PDZD2: variants seen among roughly 807,000 people sequenced by gnomAD.
The protein encoded by PDZD2 is PDZ domain-containing protein 2.
PDZD2 carries 90 observed loss-of-function variants against 220.7 expected under a neutral mutation model. The observed-to-expected ratio is 0.41, with a 90% confidence interval of 0.34 to 0.49. The LOEUF is 0.49. PDZD2 is among the 20% of genes least tolerant of loss of function. The probability of loss-of-function intolerance (pLI) is 0.28; values close to 1 mark genes in which losing one functional copy is unlikely to be tolerated. For missense variants in PDZD2, 3,174 were observed against 3,608.5 expected, an observed-to-expected ratio of 0.88 and a Z score of 3.08; for synonymous variants, 1,375 against 1,450.5, an observed-to-expected ratio of 0.95 and a Z score of 1.18.
chr5:31,873,948 G>C (rs186890206), intron 2 of PDZD2, among the ~76,000 whole-genome samples: 393 of 151,294 alleles, frequency 2.6e-3, no homozygotes, highest in African/African-American at 9.3e-3. Flanking sequence ...CAGACTGGTT[G>C]AACTCCTAAC....
chr5:31,761,637 G>A (rs1751661061), intron 1 of PDZD2, among the ~76,000 whole-genome samples: 1 of 152,024 alleles, frequency 6.6e-6, no homozygotes, highest in African/African-American at 2.4e-5. Flanking sequence ...AAGGTGGGCG[G>A]ATCACCTGAG....
intron 6 of PDZD2, among the ~76,000 whole-genome samples, chr5:32,024,503 C>T (rs1297559465): frequency 2.6e-5 from 4 of 151,800 alleles, no homozygotes; most frequent in Admixed American, 6.6e-5. Context: ...GCCAACATGG[C>T]GAAACCTCGT....
At position 31,699,403 on chromosome 5, in the gene PDZD2, T is replaced by A. The variant is rs570587549; in HGVS notation, c.-361+59966T>A. On this transcript the variant is annotated intron_variant, in intron 1 of 24. Transcript: ENST00000438447. ...GGTTCATTATGGCTAAAATTGAGGC[T>A]AGGAGTGAGAGGCAAAGACATGGTC... is the stretch of plus-strand genomic sequence containing the variant. Among the ~76,000 whole-genome samples the A allele has an allele frequency of 4.4e-4, 67 of 152,080 alleles. No homozygotes were observed. The South Asian group carries it at 0.014, about 31-fold the overall frequency.
intron 24 of PDZD2, among the ~76,000 whole-genome samples, chr5:32,104,450 G>A (rs1744542470): frequency 6.6e-6 from 1 of 151,308 alleles, no homozygotes; most frequent in Non-Finnish European, 1.5e-5. Context: ...CTGCCTCCCA[G>A]GTTCAAGTGA....
chr5:31,865,621 C>CTTTTTT (rs776271275), intron 2 of PDZD2, among the ~76,000 whole-genome samples: 3 of 67,798 alleles, frequency 4.4e-5, no homozygotes, highest in African/African-American at 8.2e-5. Flanking sequence ...CTACTGGCAA[C>CTTTTTT]TTTTTTTTTT....
chr5:32,082,085 G>A (rs556680682), intron 19 of PDZD2, among the ~76,000 whole-genome samples: 15 of 147,170 alleles, frequency 1.0e-4, no homozygotes, highest in African/African-American at 3.3e-4. Context: ...GCAATGGCGC[G>A]ATCTTGGCTC....
At position 31,708,326 on chromosome 5, in the gene PDZD2, T is replaced by A. The variant is rs138157219; in HGVS notation, c.-361+68889T>A. On this transcript the variant is annotated intron_variant, in intron 1 of 24. Transcript: ENST00000438447. ...CACTGCATACCCCTCATTTACAGCATCTGGTCCCAACCATAAATGGCCCAT... is the reference window on the plus strand; with the variant it reads ...CACTGCATACCCCTCATTTACAGCAACTGGTCCCAACCATAAATGGCCCAT... 1.3e-3 allele frequency among the ~76,000 whole-genome samples: 204 copies of A among 152,338 alleles called. 1 individual carries two copies. The highest frequency in any genetic ancestry group is 4.8e-3 in the African/African-American group (201 of 41,584).
intron 14 of PDZD2, among the ~76,000 whole-genome samples, chr5:32,064,251 C>T (rs56003258): frequency 0.42 from 62,003 of 148,120 alleles, 13,897 homozygotes; most frequent in African/African-American, 0.62. Context: ...TTTTTTTTTT[C>T]TCTTTTTTGA....
At chr5:31,899,205 A>C (rs1340571169) in intron 2 of PDZD2, among the ~76,000 whole-genome samples, 1 of 152,082 alleles carries the variant, frequency 6.6e-6, no homozygotes, top group Admixed American at 6.6e-5. Flanking sequence ...TGGCATGATC[A>C]CAGCAACATC....
intron 2 of PDZD2, among the ~76,000 whole-genome samples, chr5:31,905,764 T>C (rs1358310587): frequency 6.6e-6 from 1 of 152,196 alleles, no homozygotes; most frequent in Admixed American, 6.5e-5. Flanking sequence ...TTGAAAGGCT[T>C]GAAACAACCC....
rs1745314494 is a variant in PDZD2 at position 32,110,775 on chromosome 5, T to TAA, written c.*2642_*2643dup. On this transcript the variant is annotated 3_prime_UTR_variant, in exon 25 of 25. Transcript: ENST00000438447. ...TATTATACATTAACCTTTATTTATG[T>TAA]AAAGTAAAATGCCTTATATATTAAA... 6.6e-6 allele frequency: 1 copy of TAA among 152,656 alleles called. No individual in the cohort carries two copies. Among genetic ancestry groups the TAA allele is most frequent in the Non-Finnish European group, 1.5e-5 (1 of 68,042 alleles). 9.5% of individuals were successfully genotyped at this position (152,656 alleles called of 1,614,324 possible).
intron 1 of PDZD2, among the ~76,000 whole-genome samples, chr5:31,773,336 T>C (rs1213795494): frequency 6.6e-6 from 1 of 152,132 alleles, no homozygotes. Context: ...TCTTATGATG[T>C]ATTCAATATA....
intron 18 of PDZD2, among the ~76,000 whole-genome samples, chr5:32,074,872 G>A (rs917117856): frequency 7.3e-5 from 11 of 151,350 alleles, no homozygotes; most frequent in South Asian, 2.1e-4. Context: ...GTGCAGTGGC[G>A]CAATCTCAGC....
At chr5:31,709,155 G>A (rs992304180) in intron 1 of PDZD2, among the ~76,000 whole-genome samples, 19 of 152,050 alleles carry the variant, frequency 1.2e-4, no homozygotes, top group Admixed American at 7.2e-4. Flanking sequence ...CAAAGTGCTG[G>A]GATTACAGGC....
At chr5:31,896,122 G>C (rs10079945) in intron 2 of PDZD2, among the ~76,000 whole-genome samples, 391 of 152,210 alleles carry the variant, frequency 2.6e-3, no homozygotes, top group African/African-American at 9.2e-3. Flanking sequence ...ATTGGACCAT[G>C]CTTGCACGTG....
chr5:31,923,569 A>G (rs942060325), intron 2 of PDZD2: 1 of 844,002 alleles, frequency 1.2e-6, no homozygotes, highest in Non-Finnish European at 2.0e-6. Flanking sequence ...GGAGGCAATC[A>G]GTGGACAGCA....
chr5:31,799,442 A>C lies in PDZD2; in HGVS notation c.194A>C (p.Glu65Ala), dbSNP rs748890876. 6.2e-7 allele frequency: 1 copy of C among 1,614,060 alleles called. No individual in the cohort carries two copies. The highest frequency in any genetic ancestry group is 1.3e-5 in the African/African-American group (1 of 74,908). The change falls in exon 2 of 25, where the codon GAA (glutamate) becomes GCA (alanine). Residue 65 changes from glutamate (E) to alanine (A), a missense_variant. This residue lies in a region of PDZD2 where 632 missense variants were observed against 708.1 expected (regional missense o/e 0.89). Coordinates refer to ENST00000438447, the MANE Select transcript of PDZD2 (RefSeq NM_178140.4). ...STVPPDHSPP[E>A]MEICTVYLTK... ...GTCCCACCTGATCACAGCCCCCCCGAAATGGAGATCTGTACTGTGTACCTC... is the reference window on the plus strand; with the variant it reads ...GTCCCACCTGATCACAGCCCCCCCGCAATGGAGATCTGTACTGTGTACCTC...
At chr5:32,059,209 T>C (rs780370507) in intron 12 of PDZD2, 30 bp from the exon 13 acceptor site, 2 of 1,280,638 alleles carry the variant, frequency 1.6e-6, no homozygotes, top group African/African-American at 3.0e-5. Flanking sequence ...AATTTTTGTT[T>C]TTATTTTCTT....
intron 2 of PDZD2, among the ~76,000 whole-genome samples, chr5:31,800,851 GAGA>G (rs908415331): frequency 2.0e-5 from 3 of 152,214 alleles, no homozygotes; most frequent in African/African-American, 7.2e-5. Flanking sequence ...GAATCATGGA[GAGA>G]AGGCCACCTT....
Sources: allele counts gnomAD v4.1 joint callset (sites outside exome capture counted in the v4.1 genomes callset), GRCh38; gene constraint gnomAD v4.1.1; regional missense constraint gnomAD v4.1.1; transcripts MANE v1.5; gene names NCBI Gene and HGNC (gene_info 2026-07-23, HGNC 2026-07-21).